DNAI7: variants seen among roughly 807,000 people sequenced by gnomAD.
DNAI7 encodes dynein axonemal intermediate chain 7.
A neutral mutation model predicts 86.6 loss-of-function variants in DNAI7; 78 were observed. The ratio of observed to expected loss-of-function variants is 0.90; its 90% CI spans 0.75 to 1.09. The LOEUF (loss-of-function observed/expected upper bound fraction) is 1.09. DNAI7 is among the 50% of genes least tolerant of loss of function. The probability of loss-of-function intolerance (pLI) is 0.00; values close to 1 mark genes in which losing one functional copy is unlikely to be tolerated. For missense variants in DNAI7, 753 were observed against 810.2 expected, an observed-to-expected ratio of 0.93 and a Z score of 0.86; for synonymous variants, 274 against 273.0, an observed-to-expected ratio of 1.00 and a Z score of -0.04.
At chr12:25,118,995 AT>A in intron 12 of DNAI7, 149 bp downstream of exon 12, 2 of 606,626 alleles carry the variant, frequency 3.3e-6, no homozygotes, top group Non-Finnish European at 5.3e-6. Context: ...ACACTTATTC[AT>A]TTCCATTAAG....
intron 9 of DNAI7, among the ~76,000 whole-genome samples, chr12:25,129,434 G>A (rs1352170097): frequency 6.6e-6 from 1 of 152,150 alleles, no homozygotes; most frequent in African/African-American, 2.4e-5. Flanking sequence ...AAGGAAATGA[G>A]AACAACTCCC....
At chr12:25,120,432 A>C (rs1254215057) in intron 11 of DNAI7, among the ~76,000 whole-genome samples, 3 of 151,964 alleles carry the variant, frequency 2.0e-5, no homozygotes, top group Non-Finnish European at 4.4e-5. Flanking sequence ...GTTAAAAATA[A>C]ACCAAGTCGG....
intron 9 of DNAI7, among the ~76,000 whole-genome samples, chr12:25,124,722 G>T (rs1251448710): frequency 2.0e-5 from 3 of 152,072 alleles, no homozygotes; most frequent in Non-Finnish European, 1.5e-5. Flanking sequence ...CATCACCTAG[G>T]TATGAAGCCT....
chr12:25,174,059 T>C (rs1446823621), intron 2 of DNAI7, among the ~76,000 whole-genome samples: 1 of 148,054 alleles, frequency 6.8e-6, no homozygotes, highest in Non-Finnish European at 1.5e-5. Flanking sequence ...CATATATATA[T>C]CATATATTGG....
At chr12:25,140,747 T>C (rs1565701920) in intron 9 of DNAI7, among the ~76,000 whole-genome samples, 1 of 151,900 alleles carries the variant, frequency 6.6e-6, no homozygotes, top group South Asian at 2.1e-4. Context: ...AGAGCCCACA[T>C]AGCCAAACCA....
intron 9 of DNAI7, among the ~76,000 whole-genome samples, chr12:25,132,120 G>A (rs535606307): frequency 2.0e-5 from 3 of 152,034 alleles, no homozygotes; most frequent in Non-Finnish European, 2.9e-5. Flanking sequence ...TATCATGAAC[G>A]TTCCCCCTTT....
Position 25,108,487 on chromosome 12 carries a change from A to AAAT in DNAI7, c.*58_*60dup. 7.0e-7 allele frequency: 1 copy of AAAT among 1,418,530 alleles called. No individual in the cohort carries two copies. The highest frequency in any genetic ancestry group is 2.3e-5 in the East Asian group (1 of 43,034). The allele number at this position is 1,418,530 out of a possible 1,614,324, so 87.9% of individuals were successfully genotyped here. ...ATTCACTCATTACATTGTGTTGCAG[A>AAAT]AATACCTGTCTTTCACCATGCTTGG... On this transcript the variant is annotated 3_prime_UTR_variant, in exon 16 of 16. Coordinates refer to ENST00000395987, the MANE Select transcript of DNAI7 (RefSeq NM_018272.5).
At chr12:25,108,281 A>ATATT, downstream of DNAI7, 2 of 557,854 alleles carry the variant, frequency 3.6e-6, no homozygotes, top group Admixed American at 3.4e-5. Context: ...TAAGGAAGAA[A>ATATT]TATTATATAT....
chr12:25,152,924 G>A (rs1476041877), intron 6 of DNAI7, among the ~76,000 whole-genome samples: 1 of 152,190 alleles, frequency 6.6e-6, no homozygotes, highest in Non-Finnish European at 1.5e-5. Flanking sequence ...TCCTGAATGT[G>A]AGGATTCACA....
intron 3 of DNAI7, 78 bp downstream of exon 3, chr12:25,161,035 T>A: frequency 3.9e-6 from 4 of 1,018,984 alleles, no homozygotes; most frequent in Non-Finnish European, 6.0e-6. Flanking sequence ...TTTGAAAAAA[T>A]ATTGACTTTA....
At chr12:25,160,988 C>G (rs1467797048) in intron 3 of DNAI7, 125 bp downstream of exon 3, 6 of 639,768 alleles carry the variant, frequency 9.4e-6, no homozygotes, top group Admixed American at 2.6e-5. Context: ...AGATAGATAC[C>G]TATTATAAAA....
intron 11 of DNAI7, 71 bp from the exon 12 acceptor site, chr12:25,119,372 T>C (rs908287174): frequency 1.1e-5 from 10 of 894,512 alleles, no homozygotes; most frequent in Admixed American, 2.3e-5. Context: ...TAGTACTGAA[T>C]AAGTTATATA....
intron 2 of DNAI7, among the ~76,000 whole-genome samples, chr12:25,174,328 T>C (rs1948516864): frequency 1.5e-5 from 1 of 66,350 alleles, no homozygotes. Flanking sequence ...TTTGCATTTG[T>C]ATCATATATG....
chr12:25,128,979 C>A (rs1358908225), intron 9 of DNAI7, among the ~76,000 whole-genome samples: 3 of 152,232 alleles, frequency 2.0e-5, no homozygotes, highest in African/African-American at 7.2e-5. Context: ...GCCTGCAAAG[C>A]CTGACTTTAT....
At position 25,176,984 on chromosome 12, in the gene DNAI7, C is replaced by T. The variant is rs189432373; in HGVS notation, c.21+13630G>A. Among the ~76,000 whole-genome samples, 321 of 147,732 alleles carry T rather than the reference C, an allele frequency of 2.2e-3. 5 individuals carry two copies. The highest frequency in any genetic ancestry group is 0.015 in the South Asian group (69 of 4,700). Reference sequence around the variant, plus strand: ...GTGGTGCGATCTCGGCTCACTACAACCTCCACCTCCCAGGTTCAAGCAATT... The same window carrying T: ...GTGGTGCGATCTCGGCTCACTACAATCTCCACCTCCCAGGTTCAAGCAATT... On this transcript the variant is annotated intron_variant, in intron 2 of 15. Coordinates refer to ENST00000395987, the MANE Select transcript of DNAI7 (RefSeq NM_018272.5).
intron 9 of DNAI7, among the ~76,000 whole-genome samples, chr12:25,141,171 G>T (rs1186184460): frequency 6.6e-6 from 1 of 152,090 alleles, no homozygotes; most frequent in African/African-American, 2.4e-5. Context: ...TCATGAAAAA[G>T]AGCCCAAAAG....
At chr12:25,182,639 A>ACACAC (rs1555184991) in intron 2 of DNAI7, among the ~76,000 whole-genome samples, 2 of 36,912 alleles carry the variant, frequency 5.4e-5, no homozygotes, top group Non-Finnish European at 1.3e-4. Context: ...CACACACACA[A>ACACAC]GCCAGATGTG....
In DNAI7 at chr12:25,158,452, C is replaced by T. The variant is rs1946460781; in HGVS notation, c.198+20G>A. 11 of 1,570,694 alleles carry T rather than the reference C, an allele frequency of 7.0e-6. No homozygotes were observed. The highest frequency in any genetic ancestry group is 1.3e-5 in the African/African-American group (1 of 74,202). On this transcript the variant is annotated intron_variant, in intron 4 of 15. Transcript: ENST00000395987. ...CCATAGTTTAAGTATTCATTAAGAA[C>T]ATTATTAATGTTTATTTACTTTTGC...
intron 6 of DNAI7, among the ~76,000 whole-genome samples, chr12:25,152,984 T>A (rs1945734092): frequency 2.0e-5 from 3 of 152,228 alleles, no homozygotes; most frequent in African/African-American, 7.2e-5. Flanking sequence ...TTGAATATTG[T>A]CTCTCTTCCA....
Sources: allele counts gnomAD v4.1 joint callset (sites outside exome capture counted in the v4.1 genomes callset), GRCh38; gene constraint gnomAD v4.1.1; transcripts MANE v1.5; gene names NCBI Gene and HGNC (gene_info 2026-07-23, HGNC 2026-07-21).